Variants in POTEG observed in about 807,000 individuals in gnomAD.
POTEG encodes the protein ANKRD26-like family C member 2.
A neutral mutation model predicts 49.6 loss-of-function variants in POTEG; 2 were observed. The ratio of observed to expected loss-of-function variants is 0.04; its 90% CI spans 0.02 to 0.13. The LOEUF is 0.13. Among genes scored for constraint, POTEG ranks in the 10% least tolerant of loss-of-function variants. POTEG has a pLI of 1.00. For missense variants in POTEG, 26 were observed against 545.2 expected (o/e 0.05, Z 9.48); for synonymous variants, 7 against 186.6 (o/e 0.04, Z 7.84).
intron 7 of POTEG, among the ~76,000 whole-genome samples, chr14:19,415,884 C>T (rs1883543169): frequency 1.6e-5 from 2 of 123,176 alleles, no homozygotes; most frequent in Admixed American, 2.0e-4. Flanking sequence ...CTTGCTCTGT[C>T]ACCCAGGCTG....
intron 4 of POTEG, chr14:19,425,001 A>T (rs1203222894): frequency 9.4e-5 from 10 of 106,434 alleles, no homozygotes; most frequent in African/African-American, 3.9e-4. Context: ...TTAAAGGAAA[A>T]GTGTATCCAC....
intron 3 of POTEG, among the ~76,000 whole-genome samples, chr14:19,426,529 C>T (rs1253305186): frequency 6.6e-6 from 1 of 152,150 alleles, no homozygotes; most frequent in African/African-American, 2.4e-5. Context: ...CAAAGAGACA[C>T]AAAATCCTGA....
chr14:19,425,572 T>A (rs768166036), intron 4 of POTEG, 34 bp downstream of exon 4: 1 of 724,752 alleles, frequency 1.4e-6, no homozygotes, highest in South Asian at 2.3e-5. Flanking sequence ...CTGCTATCCA[T>A]CTGGAACACA....
intron 1 of POTEG, among the ~76,000 whole-genome samples, chr14:19,432,437 T>G (rs1354683079): frequency 4.7e-4 from 48 of 102,132 alleles, no homozygotes; most frequent in Non-Finnish European, 7.6e-4. Context: ...TATACGTATA[T>G]ATATATATAC....
At chr14:19,415,096 A>G (rs1227095664) in intron 7 of POTEG, among the ~76,000 whole-genome samples, 1 of 145,572 alleles carries the variant, frequency 6.9e-6, no homozygotes, top group East Asian at 2.0e-4. Context: ...TTAAATTATT[A>G]GGAGCCGAAA....
At chr14:19,415,262 C>T (rs1272720984) in intron 7 of POTEG, among the ~76,000 whole-genome samples, 1 of 141,362 alleles carries the variant, frequency 7.1e-6, no homozygotes, top group East Asian at 2.0e-4. Context: ...TTAATCTGTC[C>T]TGATTTTCTG....
At chr14:19,416,131 A>AC (rs1204664464) in intron 7 of POTEG, among the ~76,000 whole-genome samples, 157 bp downstream of exon 7, 8 of 139,722 alleles carry the variant, frequency 5.7e-5, no homozygotes, top group African/African-American at 1.1e-4. Context: ...GGCATGAGCC[A>AC]CCCCCCCAGC....
intron 6 of POTEG, among the ~76,000 whole-genome samples, chr14:19,419,956 T>C (rs1295997186): frequency 2.8e-5 from 4 of 143,848 alleles, no homozygotes; most frequent in East Asian, 4.0e-4. Flanking sequence ...AAGTCTATCA[T>C]GAACTTGCCT....
chr14:19,403,242 CTG>C lies in POTEG; in HGVS notation c.*2-135_*2-134del, dbSNP rs1310930344. ...ATAGTGGATATTTAACTGGAAAAAACTGGACAAAACTCCAAACCTAGCAGAGT... is the reference window on the plus strand; with the variant it reads ...ATAGTGGATATTTAACTGGAAAAAACGACAAAACTCCAAACCTAGCAGAGT... On this transcript the variant is annotated intron_variant, in intron 10 of 10. Transcript: ENST00000547848. 19 of 100,468 alleles carry C rather than the reference CTG, an allele frequency of 1.9e-4. No individual in the cohort carries two copies. The South Asian group carries it at 2.5e-3, about 13-fold the overall frequency. The allele number at this position is 100,468 out of a possible 1,614,324, so 6.2% of individuals were successfully genotyped here. A position where few individuals can be genotyped will look rare whatever the true frequency, so the allele number is the denominator to read the frequency against.
At chr14:19,408,294 G>GA (rs1468184770) in intron 9 of POTEG, among the ~76,000 whole-genome samples, 16 of 35,312 alleles carry the variant, frequency 4.5e-4, no homozygotes, top group African/African-American at 1.8e-3. Context: ...ATGGTAACAA[G>GA]AAGCCACCCA....
chr14:19,415,121 A>G (rs1318550535), intron 7 of POTEG, among the ~76,000 whole-genome samples: 2 of 145,224 alleles, frequency 1.4e-5, no homozygotes, highest in Admixed American at 6.8e-5. Flanking sequence ...CACCAAACAG[A>G]AAGAGATGCA....
At chr14:19,424,952 A>T (rs1883895006) in intron 4 of POTEG, 1 of 112,956 alleles carries the variant, frequency 8.9e-6, no homozygotes, top group Admixed American at 9.4e-5. Flanking sequence ...CTAAAGCCTA[A>T]CTTTTTTCTC....
At position 19,425,488 on chromosome 14, in the gene POTEG, G is replaced by A; in HGVS notation, c.917+118C>T. ...CAAATAATTGTTTTTCTACCGAACT[G>A]ATTTGTGTTCATACTGATCACTATA... is the stretch of plus-strand genomic sequence containing the variant. On this transcript the variant is annotated intron_variant, in intron 4 of 10. Coordinates refer to ENST00000547848, the MANE Select transcript of POTEG (RefSeq NM_001005356.3). The A allele has an allele frequency of 7.7e-6, 2 of 261,116 alleles. 1 individual carries two copies. The highest frequency in any genetic ancestry group is 1.1e-4 in the South Asian group (2 of 18,072). 16.2% of individuals were successfully genotyped at this position (261,116 alleles called of 1,614,324 possible). A position where few individuals can be genotyped will look rare whatever the true frequency, so the allele number is the denominator to read the frequency against.
At chr14:19,414,324 A>C (rs1443004885) in intron 8 of POTEG, among the ~76,000 whole-genome samples, 1 of 145,320 alleles carries the variant, frequency 6.9e-6, no homozygotes, top group African/African-American at 2.5e-5. Context: ...CTAAAGTGGC[A>C]TTACTTAGCA....
At chr14:19,415,522 T>G (rs541522445) in intron 7 of POTEG, among the ~76,000 whole-genome samples, 9 of 148,178 alleles carry the variant, frequency 6.1e-5, no homozygotes, top group African/African-American at 1.9e-4. Context: ...CCATCAGTGT[T>G]ACATTGTTCA....
At chr14:19,433,064 A>G (rs1425611722) in intron 1 of POTEG, among the ~76,000 whole-genome samples, 4 of 127,322 alleles carry the variant, frequency 3.1e-5, no homozygotes, top group African/African-American at 1.2e-4. Context: ...AGCTGGGACT[A>G]CAGGTGCCTG....
rs200910344 is a variant in POTEG at position 19,425,575 on chromosome 14, G to A, written c.917+31C>T. On this transcript the variant is annotated intron_variant, in intron 4 of 10. Coordinates refer to ENST00000547848, the MANE Select transcript of POTEG (RefSeq NM_001005356.3). ...TGACTTGAGTGACTGCTATCCATCTGGAACACACAGATTAAAAGAAAGAAC... is the reference window on the plus strand; with the variant it reads ...TGACTTGAGTGACTGCTATCCATCTAGAACACACAGATTAAAAGAAAGAAC... 172 of 721,328 alleles carry A rather than the reference G, an allele frequency of 2.4e-4. 41 individuals carry two copies. The highest frequency in any genetic ancestry group is 1.4e-3 in the Middle Eastern group (3 of 2,088). The allele number at this position is 721,328 out of a possible 1,614,324, so 44.7% of individuals were successfully genotyped here. A position where few individuals can be genotyped will look rare whatever the true frequency, so the allele number is the denominator to read the frequency against.
At chr14:19,419,899 T>G in intron 6 of POTEG, among the ~76,000 whole-genome samples, 1 of 140,868 alleles carries the variant, frequency 7.1e-6, no homozygotes, top group Non-Finnish European at 1.5e-5. Flanking sequence ...CCTGGTAAAC[T>G]TCCCATGGCC....
chr14:19,416,045 C>G (rs1179573742), intron 7 of POTEG, among the ~76,000 whole-genome samples: 2 of 147,016 alleles, frequency 1.4e-5, no homozygotes, highest in Non-Finnish European at 3.0e-5. Context: ...GGGGTTTCAT[C>G]ATCTTAGCCA....
Sources: allele counts gnomAD v4.1 joint callset (sites outside exome capture counted in the v4.1 genomes callset), GRCh38; gene constraint gnomAD v4.1.1; transcripts MANE v1.5; gene names NCBI Gene and HGNC (gene_info 2026-07-23, HGNC 2026-07-21).